RABGAP1L: variants seen among roughly 807,000 people sequenced by gnomAD.
The protein encoded by RABGAP1L is RAB GTPase activating protein 1 like, also known as rab GTPase-activating protein 1-like.
In RABGAP1L, 63 loss-of-function variants were observed where a neutral mutation model predicts 137.7. That is an observed-to-expected ratio of 0.46 (90% confidence interval 0.37 to 0.56). RABGAP1L has a LOEUF of 0.56. Among genes scored for constraint, RABGAP1L ranks in the 20% least tolerant of loss-of-function variants. RABGAP1L has a pLI of 0.00. For missense variants in RABGAP1L, 1,095 were observed against 1,244.0 expected (o/e 0.88, Z 1.80); for synonymous variants, 431 against 433.7 (o/e 0.99, Z 0.08).
intron 19 of RABGAP1L, among the ~76,000 whole-genome samples, chr1:174,937,067 C>T (rs1465424167): frequency 6.8e-6 from 1 of 146,590 alleles, no homozygotes; most frequent in East Asian, 2.0e-4. Flanking sequence ...GCAACCTCCA[C>T]CTCTGAGTTC....
intron 13 of RABGAP1L, among the ~76,000 whole-genome samples, chr1:174,590,455 G>A (rs866676052): frequency 1.9e-5 from 2 of 107,168 alleles, no homozygotes; most frequent in East Asian, 2.5e-4. Context: ...ACCCACTAAC[G>A]TGTCATCTAG....
chr1:174,320,560 T>C (rs1679867462), intron 11 of RABGAP1L, among the ~76,000 whole-genome samples: 1 of 152,194 alleles, frequency 6.6e-6, no homozygotes, highest in African/African-American at 2.4e-5. Flanking sequence ...AGGGACCAGC[T>C]GAAGCCATGG....
chr1:174,347,585 C>T (rs981980598), intron 11 of RABGAP1L, among the ~76,000 whole-genome samples: 9 of 151,850 alleles, frequency 5.9e-5, no homozygotes, highest in African/African-American at 1.9e-4. Context: ...CTCCACCTGC[C>T]GGGTTCACAC....
At chr1:174,239,457 A>G (rs1344325415) in intron 4 of RABGAP1L, among the ~76,000 whole-genome samples, 1 of 152,212 alleles carries the variant, frequency 6.6e-6, no homozygotes, top group Non-Finnish European at 1.5e-5. Flanking sequence ...CTCCCTAAGT[A>G]AATCTTTCCC....
intron 13 of RABGAP1L, among the ~76,000 whole-genome samples, chr1:174,422,385 TA>T (rs77725785): frequency 0.079 from 12,086 of 152,078 alleles, 661 homozygotes; most frequent in East Asian, 0.32. Flanking sequence ...GATTTTTTTT[TA>T]AACATTCGAC....
chr1:174,874,383 A>G (rs1006988200), intron 19 of RABGAP1L: 19 of 758,110 alleles, frequency 2.5e-5, no homozygotes, highest in Middle Eastern at 6.5e-4. Context: ...ACTGAAACCT[A>G]GCGAAGTTAA....
chr1:174,169,252 C>A (rs933001832), intron 1 of RABGAP1L, among the ~76,000 whole-genome samples: 4 of 151,680 alleles, frequency 2.6e-5, no homozygotes, highest in African/African-American at 9.7e-5. Flanking sequence ...CGGAGTCTTG[C>A]TCTGTCGCCC....
chr1:174,204,977 T>C (rs1485908932), intron 1 of RABGAP1L, among the ~76,000 whole-genome samples: 2 of 152,234 alleles, frequency 1.3e-5, no homozygotes, highest in Non-Finnish European at 2.9e-5. Context: ...CCTTTCTTCA[T>C]AAATTACCCA....
At chr1:174,511,626 G>GTTT (rs774802995) in intron 13 of RABGAP1L, among the ~76,000 whole-genome samples, 1 of 139,938 alleles carries the variant, frequency 7.1e-6, no homozygotes, top group Non-Finnish European at 1.6e-5. Flanking sequence ...TCTTTCTTTT[G>GTTT]TTTTTTTTTT....
chr1:174,615,974 C>T (rs147555655), intron 13 of RABGAP1L, among the ~76,000 whole-genome samples: 4 of 152,070 alleles, frequency 2.6e-5, no homozygotes, highest in African/African-American at 9.7e-5. Context: ...TTCCAGGTGC[C>T]GTCTGTCACC....
intron 17 of RABGAP1L, among the ~76,000 whole-genome samples, chr1:174,748,182 G>A (rs943522410): frequency 1.3e-5 from 2 of 152,108 alleles, no homozygotes; most frequent in African/African-American, 4.8e-5. Flanking sequence ...CTAATTGTTT[G>A]ATTTTGAGAT....
intron 18 of RABGAP1L, among the ~76,000 whole-genome samples, chr1:174,762,190 A>G (rs954165462): frequency 7.9e-5 from 12 of 152,130 alleles, no homozygotes; most frequent in Admixed American, 3.3e-4. Context: ...AAAGGCCTCC[A>G]TTGCTCTTAG....
intron 20 of RABGAP1L, among the ~76,000 whole-genome samples, chr1:174,961,829 G>A (rs1443377236): frequency 8.4e-6 from 1 of 118,616 alleles, no homozygotes; most frequent in African/African-American, 3.1e-5. Flanking sequence ...GTGGGCAATA[G>A]AGCCAGACTC....
At chr1:174,344,757 G>A (rs375842597) in intron 11 of RABGAP1L, among the ~76,000 whole-genome samples, 7 of 152,138 alleles carry the variant, frequency 4.6e-5, no homozygotes, top group East Asian at 1.9e-4. Flanking sequence ...GAAACACTTT[G>A]TGAATTATCC....
intron 13 of RABGAP1L, among the ~76,000 whole-genome samples, chr1:174,549,199 G>A (rs1666245215): frequency 6.6e-6 from 1 of 152,114 alleles, no homozygotes; most frequent in African/African-American, 2.4e-5. Flanking sequence ...TTGGTATCCT[G>A]TACCCTATAC....
intron 13 of RABGAP1L, among the ~76,000 whole-genome samples, chr1:174,422,945 CA>C (rs202100563): frequency 0.26 from 20,451 of 79,854 alleles, 774 homozygotes; most frequent in East Asian, 0.47. Flanking sequence ...AGATTCTGTC[CA>C]AAAAAAAAAA....
intron 18 of RABGAP1L, among the ~76,000 whole-genome samples, chr1:174,764,145 T>C (rs1685480673): frequency 6.6e-6 from 1 of 152,240 alleles, no homozygotes; most frequent in African/African-American, 2.4e-5. Context: ...CAGTTCTTAA[T>C]TCCTTTTTAT....
intron 13 of RABGAP1L, among the ~76,000 whole-genome samples, chr1:174,411,561 G>T (rs1649931735): frequency 6.6e-6 from 1 of 151,882 alleles, no homozygotes; most frequent in Non-Finnish European, 1.5e-5. Flanking sequence ...TTGATACACT[G>T]TTGAGTTTGG....
chr1:174,597,322 C>A (rs999076035), intron 13 of RABGAP1L, among the ~76,000 whole-genome samples: 3 of 152,086 alleles, frequency 2.0e-5, no homozygotes, highest in Non-Finnish European at 4.4e-5. Flanking sequence ...TTGTAAAATT[C>A]TGCAGTGAAG....
Sources: gnomAD v4.1 joint callset for allele counts (sites outside exome capture counted in the v4.1 genomes callset) on GRCh38, gnomAD v4.1.1 for gene constraint, MANE v1.5 for transcripts, NCBI Gene and HGNC (gene_info 2026-07-23, HGNC 2026-07-21) for gene names.